The following ITPKB variants were observed in gnomAD, a reference collection of about 807,000 sequenced individuals.
The protein encoded by ITPKB is IP3 3-kinase B.
Under a neutral mutation model 69.4 loss-of-function variants are expected in ITPKB, and 13 were observed. The observed-to-expected ratio is 0.19, with a 90% confidence interval of 0.12 to 0.30. The LOEUF (loss-of-function observed/expected upper bound fraction) is 0.30, where lower values mean the gene tolerates loss of function less well. Ranked by LOEUF, ITPKB falls within the 10% of genes least tolerant of loss-of-function variation. The probability of loss-of-function intolerance (pLI) is 1.00; values close to 1 mark genes in which losing one functional copy is unlikely to be tolerated. For missense variants in ITPKB, 1,240 were observed against 1,250.5 expected (o/e 0.99, Z 0.13); for synonymous variants, 584 against 513.7 (o/e 1.14, Z -1.85).
chr1:226,736,983 G>C lies in ITPKB; in HGVS notation c.476C>G (p.Ser159Cys). ...CGGGCTGCGGGGCGCTTGAATGGCG[G>C]AGCTCTGTGCCTGGATGTGCGCCTC... ...MFEAHIQAQS[S>C]AIQAPRSPRL... Residue 159 changes from serine to cysteine, a missense_variant, in exon 2 of 8, where the codon TCC becomes TGC. Ser to Cys is a moderately radical substitution (Grantham distance 112). Coordinates refer to ENST00000429204, the MANE Select transcript of ITPKB (RefSeq NM_002221.4). 6.2e-7 allele frequency: 1 copy of C among 1,612,560 alleles called. No individual in the cohort carries two copies. Among genetic ancestry groups the C allele is most frequent in the East Asian group, 2.2e-5 (1 of 44,858 alleles).
At chr1:226,691,014 G>A (rs1656336252) in intron 2 of ITPKB, among the ~76,000 whole-genome samples, 1 of 152,140 alleles carries the variant, frequency 6.6e-6, no homozygotes, top group Non-Finnish European at 1.5e-5. Context: ...CCGAAAATAG[G>A]CAAATTCACA....
At chr1:226,727,879 G>A (rs1346380467) in intron 2 of ITPKB, among the ~76,000 whole-genome samples, 1 of 152,158 alleles carries the variant, frequency 6.6e-6, no homozygotes, top group East Asian at 1.9e-4. Context: ...TGGTCACCAG[G>A]TCAACGGAAA....
intron 2 of ITPKB, among the ~76,000 whole-genome samples, chr1:226,689,082 C>G (rs1656284589): frequency 1.3e-5 from 2 of 152,140 alleles, no homozygotes; most frequent in Non-Finnish European, 2.9e-5. Flanking sequence ...TAAAGAAAGC[C>G]ACTGGGATAT....
At chr1:226,654,401 G>A (rs760662702) in intron 2 of ITPKB, among the ~76,000 whole-genome samples, 6 of 152,134 alleles carry the variant, frequency 3.9e-5, no homozygotes, top group South Asian at 4.1e-4. Flanking sequence ...GGAAGCCCTC[G>A]CCTTGGGGAA....
intron 2 of ITPKB, among the ~76,000 whole-genome samples, chr1:226,685,401 T>C (rs1571857908): frequency 6.6e-6 from 1 of 152,170 alleles, no homozygotes; most frequent in Non-Finnish European, 1.5e-5. Flanking sequence ...CTCTCGGGTT[T>C]CCTGGCCATT....
intron 2 of ITPKB, among the ~76,000 whole-genome samples, chr1:226,663,236 A>T (rs571933377): frequency 3.0e-4 from 46 of 152,214 alleles, no homozygotes; most frequent in African/African-American, 1.1e-3. Flanking sequence ...GTGCTTACTT[A>T]GCACTTTCCC....
intron 2 of ITPKB, among the ~76,000 whole-genome samples, chr1:226,717,738 C>T (rs1305004893): frequency 6.6e-6 from 1 of 152,224 alleles, no homozygotes; most frequent in African/African-American, 2.4e-5. Flanking sequence ...CTACACACCA[C>T]AGCTCCCACC....
chr1:226,674,044 C>A (rs1000399651), intron 2 of ITPKB, among the ~76,000 whole-genome samples: 1 of 152,160 alleles, frequency 6.6e-6, no homozygotes, highest in Non-Finnish European at 1.5e-5. Context: ...ATCTCAGTTG[C>A]CACCCCACTA....
At chr1:226,674,897 A>T (rs1200969697) in intron 2 of ITPKB, 1 of 152,304 alleles carries the variant, frequency 6.6e-6, no homozygotes, top group Non-Finnish European at 1.5e-5. Flanking sequence ...ACAAGCGTTC[A>T]GCGGATCCAG....
chr1:226,680,373 G>A (rs564722905), intron 2 of ITPKB, among the ~76,000 whole-genome samples: 2 of 152,190 alleles, frequency 1.3e-5, no homozygotes, highest in African/African-American at 2.4e-5. Flanking sequence ...TGGCAGAGAG[G>A]GGGGAGGTAG....
rs751539212 is a variant in ITPKB at position 226,642,025 on chromosome 1, C to T, written c.2347G>A (p.Glu783Lys). Residue 783 changes from glutamate (E) to lysine (K), a missense_variant, in exon 5 of 8, where the codon GAG becomes AAG. Physicochemically the swap from Glu to Lys is moderately conservative, Grantham distance 56. Transcript: ENST00000429204. The surrounding 1 kb of genome is among the most constrained non-coding windows in gnomAD (Gnocchi z 6.4). The stretch of plus-strand genomic sequence containing the variant: ...ACAGCCCGCTGTGCTTTTTCCTCCT[C>T]GGTGGGGGCCTCGGGGTCCACCTCG... ...MIEVDPEAPT[E>K]EEKAQRAVTK... The T allele has an allele frequency of 3.9e-5, 63 of 1,614,196 alleles. 1 individual carries two copies. Among genetic ancestry groups the T allele is most frequent in the South Asian group, 3.4e-4 (31 of 91,086 alleles).
At position 226,668,260 on chromosome 1, in the gene ITPKB, T is replaced by C. The variant is rs186422405; in HGVS notation, c.1933-19489A>G. 1.8e-4 allele frequency among the ~76,000 whole-genome samples: 28 copies of C among 152,336 alleles called. No homozygotes were observed. The East Asian group carries it at 4.6e-3, about 25-fold the overall frequency. Reference sequence around the variant, plus strand: ...CTTTTCATAAACATTACATTCTCTATGGAAGTTAATTCAAATAACTCATAT... The same window carrying C: ...CTTTTCATAAACATTACATTCTCTACGGAAGTTAATTCAAATAACTCATAT... On this transcript the variant is annotated intron_variant, in intron 2 of 7. Coordinates refer to ENST00000429204, the MANE Select transcript of ITPKB (RefSeq NM_002221.4).
chr1:226,677,394 G>A (rs1274810908), intron 2 of ITPKB, among the ~76,000 whole-genome samples: 2 of 152,188 alleles, frequency 1.3e-5, no homozygotes, highest in South Asian at 2.1e-4. Context: ...GTGTGCAGAG[G>A]GGGAAGTACA....
intron 2 of ITPKB, among the ~76,000 whole-genome samples, chr1:226,696,494 A>G (rs1656490145): frequency 1.3e-5 from 2 of 152,176 alleles, no homozygotes; most frequent in African/African-American, 2.4e-5. Flanking sequence ...CAAAACTTAG[A>G]GACGAAATGG....
chr1:226,692,695 A>T (rs1571861064), intron 2 of ITPKB, among the ~76,000 whole-genome samples: 1 of 152,048 alleles, frequency 6.6e-6, no homozygotes, highest in African/African-American at 2.4e-5. Context: ...CCAAATCACC[A>T]CTCAGCTTAG....
chr1:226,652,738 C>A (rs945864358), intron 2 of ITPKB, among the ~76,000 whole-genome samples: 2 of 152,240 alleles, frequency 1.3e-5, no homozygotes, highest in South Asian at 2.1e-4. Flanking sequence ...TCAGGGGAAT[C>A]GAGACATCCC....
rs192136915 is a variant in ITPKB, at chr1:226,642,257, T to A, written c.2247-132A>T. The A allele has an allele frequency of 1.5e-6, 1 of 670,154 alleles. No individual in the cohort carries two copies. The highest frequency in any genetic ancestry group is 2.5e-6 in the Non-Finnish European group (1 of 392,972). 41.5% of individuals were successfully genotyped at this position (670,154 alleles called of 1,614,324 possible). ...GCTGCAGTCAGCTCAGTGCCCTGAG[T>A]CAAGGCACGTCTTTCCGAGGGGACG... On this transcript the variant is annotated intron_variant, in intron 4 of 7. Transcript: ENST00000429204. The surrounding 1 kb of genome is among the most constrained non-coding windows in gnomAD (Gnocchi z 6.4).
intron 2 of ITPKB, among the ~76,000 whole-genome samples, chr1:226,689,091 A>G (rs1656284723): frequency 6.6e-6 from 1 of 152,204 alleles, no homozygotes. Context: ...CCACTGGGAT[A>G]TGTTTTCGTG....
chr1:226,732,390 G>A (rs1010585022), intron 2 of ITPKB, among the ~76,000 whole-genome samples: 16 of 151,954 alleles, frequency 1.1e-4, no homozygotes, highest in Admixed American at 6.5e-4. Context: ...AGGCGCCCGC[G>A]ACCACGCCAG....
Sources: gnomAD v4.1 joint callset for allele counts (sites outside exome capture counted in the v4.1 genomes callset) on GRCh38, gnomAD v4.1.1 for gene constraint, Gnocchi (gnomAD v3.1) non-coding constraint, MANE v1.5 for transcripts, NCBI Gene and HGNC (gene_info 2026-07-23, HGNC 2026-07-21) for gene names.